The following SCHIP1 variants were observed in gnomAD, a reference collection of about 807,000 sequenced individuals.
SCHIP1 encodes schwannomin interacting protein 1.
In SCHIP1, 8 loss-of-function variants were observed where a neutral mutation model predicts 29.7. The observed-to-expected ratio is 0.27, with a 90% CI of 0.16 to 0.49. The LOEUF is 0.49. SCHIP1 is among the 20% of genes least tolerant of loss of function. SCHIP1 has a pLI of 0.99. For synonymous variants in SCHIP1, 76 were observed against 94.9 expected (o/e 0.80, Z 1.16); for missense variants, 193 against 294.6 (o/e 0.66, Z 2.52).
At chr3:159,290,819 A>C in the SCHIP1 span, among the ~76,000 whole-genome samples, 1 of 152,146 alleles carries the variant, frequency 6.6e-6, no homozygotes, top group Non-Finnish European at 1.5e-5. Flanking sequence ...GCAAGTAATT[A>C]TCTTACTGTT....
chr3:159,392,750 G>A, the SCHIP1 span, among the ~76,000 whole-genome samples: 1 of 151,936 alleles, frequency 6.6e-6, no homozygotes, highest in Non-Finnish European at 1.5e-5. Context: ...CTTTGCTATT[G>A]TGAATAGAGC....
At chr3:159,359,324 A>G in the SCHIP1 span, among the ~76,000 whole-genome samples, 3 of 152,188 alleles carry the variant, frequency 2.0e-5, no homozygotes, top group Non-Finnish European at 2.9e-5. Context: ...AATTTTTCAT[A>G]AAAGAAGTGA....
At chr3:159,290,201 T>G in the SCHIP1 span, among the ~76,000 whole-genome samples, 3 of 152,220 alleles carry the variant, frequency 2.0e-5, no homozygotes, top group African/African-American at 7.2e-5. Context: ...AAGAATATCT[T>G]AATTTACTCA....
the SCHIP1 span, among the ~76,000 whole-genome samples, chr3:159,642,058 T>G: frequency 6.6e-6 from 1 of 152,116 alleles, no homozygotes; most frequent in African/African-American, 2.4e-5. Context: ...TTCTCCCACT[T>G]ATGGACTCTG....
chr3:159,714,222 C>T, the SCHIP1 span, among the ~76,000 whole-genome samples: 1,049 of 152,152 alleles, frequency 6.9e-3, 7 homozygotes, highest in African/African-American at 0.024. Context: ...GGTGACAGAG[C>T]GAGATCCTGT....
chr3:159,607,769 A>G, the SCHIP1 span, among the ~76,000 whole-genome samples: 1 of 152,156 alleles, frequency 6.6e-6, no homozygotes, highest in Non-Finnish European at 1.5e-5. Flanking sequence ...GTTGTGAAGA[A>G]TGAGGGATAT....
At chr3:159,485,636 G>C in the SCHIP1 span, among the ~76,000 whole-genome samples, 1 of 152,172 alleles carries the variant, frequency 6.6e-6, no homozygotes, top group Non-Finnish European at 1.5e-5. Context: ...TTCCAATGGA[G>C]GGTTTGAATT....
At chr3:159,651,568 G>A in the SCHIP1 span, among the ~76,000 whole-genome samples, 1 of 152,142 alleles carries the variant, frequency 6.6e-6, no homozygotes, top group Non-Finnish European at 1.5e-5. Flanking sequence ...ACATTAAAAT[G>A]CATTTTTGTT....
chr3:159,797,882 G>T, the SCHIP1 span, among the ~76,000 whole-genome samples: 1 of 152,292 alleles, frequency 6.6e-6, no homozygotes, highest in South Asian at 2.1e-4. Flanking sequence ...GAGAGGAAAG[G>T]GTGGAGGAAA....
At chr3:159,358,920 CTTTTTTTTTTT>C in the SCHIP1 span, among the ~76,000 whole-genome samples, 7 of 96,548 alleles carry the variant, frequency 7.3e-5, no homozygotes, top group African/African-American at 1.9e-4. Flanking sequence ...TATTAGCATC[CTTTTTTTTTTT>C]TTTTTTTTTT....
the SCHIP1 span, among the ~76,000 whole-genome samples, chr3:159,441,639 T>A: frequency 6.6e-6 from 1 of 152,054 alleles, no homozygotes; most frequent in Non-Finnish European, 1.5e-5. Context: ...AACACTAAGT[T>A]ATAGACCCTG....
At chr3:159,718,438 A>C in the SCHIP1 span, among the ~76,000 whole-genome samples, 4 of 152,322 alleles carry the variant, frequency 2.6e-5, no homozygotes, top group South Asian at 8.3e-4. Flanking sequence ...GAGGAAGTCA[A>C]ATTGTCCCTG....
At chr3:159,351,026 A>T in the SCHIP1 span, among the ~76,000 whole-genome samples, 2 of 152,194 alleles carry the variant, frequency 1.3e-5, no homozygotes, top group East Asian at 3.8e-4. Flanking sequence ...ATATATCTGC[A>T]CAGTATTTTG....
At chr3:159,294,775 T>C in the SCHIP1 span, among the ~76,000 whole-genome samples, 1 of 152,188 alleles carries the variant, frequency 6.6e-6, no homozygotes, top group Non-Finnish European at 1.5e-5. Flanking sequence ...GATGATGAAG[T>C]AGATTTTAGA....
the SCHIP1 span, among the ~76,000 whole-genome samples, chr3:159,288,150 T>C: frequency 6.6e-6 from 1 of 152,192 alleles, no homozygotes; most frequent in South Asian, 2.1e-4. Context: ...TCCAGTGTTA[T>C]TCCCTCTGCA....
chr3:159,801,768 C>T, the SCHIP1 span, among the ~76,000 whole-genome samples: 3 of 152,194 alleles, frequency 2.0e-5, no homozygotes, highest in East Asian at 5.8e-4. Flanking sequence ...CTGGTACACA[C>T]AGTATCCTTA....
chr3:159,279,128 T>A, the SCHIP1 span, among the ~76,000 whole-genome samples: 61 of 152,176 alleles, frequency 4.0e-4, no homozygotes, highest in Non-Finnish European at 7.5e-4. Context: ...CACCTTGAAT[T>A]GTAGCTCCCA....
the SCHIP1 span, among the ~76,000 whole-genome samples, chr3:159,489,314 A>T: frequency 6.6e-6 from 1 of 151,832 alleles, no homozygotes; most frequent in South Asian, 2.1e-4. Context: ...AGAAACATTT[A>T]TTTATTTAAG....
chr3:159,360,400 C>A, the SCHIP1 span, among the ~76,000 whole-genome samples: 2 of 152,194 alleles, frequency 1.3e-5, no homozygotes, highest in South Asian at 4.2e-4. Flanking sequence ...TTCTAATATC[C>A]CAAAGAATTT....
Sources: gnomAD v4.1 joint callset for allele counts (sites outside exome capture counted in the v4.1 genomes callset) on GRCh38, gnomAD v4.1.1 for gene constraint, MANE v1.5 for transcripts, NCBI Gene and HGNC (gene_info 2026-07-23, HGNC 2026-07-21) for gene names.